Variants in SQSTM1 observed in about 807,000 individuals in gnomAD.
The protein encoded by SQSTM1 is sequestosome-1.
Under a neutral mutation model 45.1 loss-of-function variants are expected in SQSTM1, and 36 were observed. The ratio of observed to expected loss-of-function variants is 0.80; its 90% CI spans 0.61 to 1.05. The LOEUF (loss-of-function observed/expected upper bound fraction) is 1.05, where lower values mean the gene tolerates loss of function less well. SQSTM1 is among the 50% of genes least tolerant of loss of function. The pLI is 0.00. For missense variants in SQSTM1, 617 were observed against 607.1 expected, an observed-to-expected ratio of 1.02 and a Z score of -0.17; for synonymous variants, 290 against 244.3, an observed-to-expected ratio of 1.19 and a Z score of -1.74.
intron 7 of SQSTM1, among the ~76,000 whole-genome samples, chr5:179,834,257 C>T (rs1758399023): frequency 1.5e-5 from 2 of 133,268 alleles, no homozygotes. Flanking sequence ...GGGGTGGGGA[C>T]AGCTGACAGA....
rs114698136 is a variant in SQSTM1, at chr5:179,834,033, G to A, written c.1165+251G>A. Among the ~76,000 whole-genome samples, 1,175 of 152,072 alleles carry A rather than the reference G, an allele frequency of 7.7e-3. 14 individuals are homozygous for A. The highest frequency in any genetic ancestry group is 0.027 in the African/African-American group (1,124 of 41,454). On this transcript the variant is annotated intron_variant, in intron 7 of 7. Transcript: ENST00000389805. ...TCCAGAGCCAGGAATATTAATTGTA[G>A]GAGTTTCTAAAACTTAACATGCAGA... is the stretch of plus-strand genomic sequence containing the variant.
intron 6 of SQSTM1, 87 bp from the exon 7 acceptor site, chr5:179,833,500 C>T: frequency 6.9e-7 from 1 of 1,447,926 alleles, no homozygotes. Flanking sequence ...ATGCGTGCTC[C>T]CCGACTGTCT....
chr5:179,807,580 C>CGCCCA (rs1388034753), intron 1 of SQSTM1: 3 of 152,354 alleles, frequency 2.0e-5, no homozygotes, highest in Non-Finnish European at 4.4e-5. Context: ...CACCTCGCCC[C>CGCCCA]GCCCAGCCCA....
chr5:179,830,759 T>C (rs1207113020), intron 5 of SQSTM1, among the ~76,000 whole-genome samples: 1 of 152,082 alleles, frequency 6.6e-6, no homozygotes, highest in Non-Finnish European at 1.5e-5. Flanking sequence ...GGTTTCACCA[T>C]CTTGGCCAGG....
At chr5:179,812,959 GGTAAT>G (rs1202253870) in intron 2 of SQSTM1, 2 of 149,140 alleles carry the variant, frequency 1.3e-5, no homozygotes, top group African/African-American at 2.5e-5. Context: ...TAATTTTTTT[GGTAAT>G]GTAATGCATT....
Position 179,837,391 on chromosome 5 carries a change from TCACA to T in SQSTM1, c.*801_*804del, listed in dbSNP as rs1357388098. On this transcript the variant is annotated 3_prime_UTR_variant, in exon 8 of 8. Coordinates refer to ENST00000389805, the MANE Select transcript of SQSTM1 (RefSeq NM_003900.5). ...CGATTAATAACCTGCCAGTCCCAGA[TCACA>T]CATCATCATCGAAGTCTTCCCCAGT... 1 of 1,588,138 alleles carries T rather than the reference TCACA, an allele frequency of 6.3e-7. No individual in the cohort carries two copies. The highest frequency in any genetic ancestry group is 2.2e-5 in the East Asian group (1 of 44,586).
At chr5:179,820,600 C>T, upstream of SQSTM1, 1 of 257,480 alleles carries the variant, frequency 3.9e-6, no homozygotes, top group South Asian at 1.2e-4. Flanking sequence ...GGGGCTGGAC[C>T]CCCGCCAGTA....
intron 1 of SQSTM1, chr5:179,821,475 G>A: frequency 1.8e-6 from 1 of 556,642 alleles, no homozygotes; most frequent in Admixed American, 2.2e-5. Flanking sequence ...ACGCGCCGGG[G>A]CGAACGCTCT....
In SQSTM1 at chr5:179,833,188, C is replaced by G; in HGVS notation, c.911C>G (p.Thr304Arg). ...CCGGGTGGGAATGTTGAGGGCGCCA[C>G]GCAGTCTCTGGCGGAGCAGATGAGG... is the stretch of plus-strand genomic sequence containing the variant. ...SKPGGNVEGA[T>R]QSLAEQMRKI... The change falls in exon 6 of 8, where the codon ACG (threonine) becomes AGG (arginine). Residue 304 changes from threonine (T) to arginine (R), a missense_variant. Physicochemically the swap from Thr to Arg is moderately conservative, Grantham distance 71. Coordinates refer to ENST00000389805, the MANE Select transcript of SQSTM1 (RefSeq NM_003900.5). 1 of 1,613,560 alleles carries G rather than the reference C, an allele frequency of 6.2e-7. No homozygotes were observed. The highest frequency in any genetic ancestry group is 8.5e-7 in the Non-Finnish European group (1 of 1,179,820).
chr5:179,833,043 G>A lies in SQSTM1; in HGVS notation c.766G>A (p.Asp256Asn). 3.1e-6 allele frequency: 5 copies of A among 1,614,144 alleles called. No individual in the cohort carries two copies. Among genetic ancestry groups the A allele is most frequent in the Non-Finnish European group, 4.2e-6 (5 of 1,180,016 alleles). ...AALSPLGIEV[D>N]IDVEHGGKRS... is the part of the protein sequence containing the mutation. ...TCCTCCGCCTCTAGGCATTGAAGTT[G>A]ATATCGATGTGGAGCACGGAGGGAA... is the stretch of plus-strand genomic sequence containing the variant. Residue 256 changes from aspartate to asparagine, a missense_variant, in exon 6 of 8, where the codon GAT (aspartate) becomes AAT (asparagine). By Grantham distance (23) the Asp-to-Asn change is conservative (BLOSUM62 1). Transcript: ENST00000389805.
intron 2 of SQSTM1, chr5:179,812,244 C>T (rs1411618630): frequency 6.6e-6 from 1 of 152,338 alleles, no homozygotes; most frequent in African/African-American, 2.4e-5. Context: ...TGTCCGCAGG[C>T]ACGGCATGAG....
intron 7 of SQSTM1, chr5:179,836,198 C>G (rs558196995): frequency 1.7e-6 from 1 of 603,320 alleles, no homozygotes; most frequent in East Asian, 2.8e-5. Flanking sequence ...ATTGATGGTT[C>G]TGCTTACACA....
intron 1 of SQSTM1, chr5:179,807,634 G>GTTGTTGTTTT (rs1229450814): frequency 6.6e-6 from 1 of 151,964 alleles, no homozygotes; most frequent in Middle Eastern, 3.4e-3. Context: ...TTTTTTTGTT[G>GTTGTTGTTTT]TTGTTGTTTT....
chr5:179,810,692 C>G (rs892189479), intron 1 of SQSTM1, among the ~76,000 whole-genome samples: 2 of 152,218 alleles, frequency 1.3e-5, no homozygotes, highest in African/African-American at 4.8e-5. Context: ...AATCGCTACA[C>G]TGACTTCCAC....
intron 5 of SQSTM1, among the ~76,000 whole-genome samples, chr5:179,827,760 C>A (rs1758055748): frequency 6.6e-6 from 1 of 150,658 alleles, no homozygotes; most frequent in Middle Eastern, 3.4e-3. Context: ...GAAGTTAGGG[C>A]TAGTTTCTTT....
chr5:179,832,548 G>A (rs141232824), intron 5 of SQSTM1, among the ~76,000 whole-genome samples: 2,584 of 152,342 alleles, frequency 0.017, 70 homozygotes, highest in African/African-American at 0.059. Flanking sequence ...GTGGCTGGAA[G>A]CGCCTGCCAC....
chr5:179,836,565 A>G lies in SQSTM1; in HGVS notation c.1295A>G (p.Gln432Arg). 2 of 1,614,190 alleles carry G rather than the reference A, an allele frequency of 1.2e-6. No homozygotes were observed. The highest frequency in any genetic ancestry group is 1.7e-6 in the Non-Finnish European group (2 of 1,180,024). The change falls in exon 8 of 8, where the codon CAG becomes CGG. Residue 432 changes from glutamine to arginine, a missense_variant. By Grantham distance (43) the Gln-to-Arg change is conservative (BLOSUM62 1). Transcript: ENST00000389805. ...YDIGAALDTI[Q>R]YSKHPPPL ...ATCGGAGCGGCTCTGGACACCATCCAGTATTCAAAGCATCCCCCGCCGTTG... is the reference window on the plus strand; with the variant it reads ...ATCGGAGCGGCTCTGGACACCATCCGGTATTCAAAGCATCCCCCGCCGTTG...
intron 5 of SQSTM1, among the ~76,000 whole-genome samples, chr5:179,832,486 C>T (rs114310245): frequency 2.9e-4 from 44 of 152,314 alleles, no homozygotes; most frequent in African/African-American, 9.1e-4. Context: ...TGTGTGTCGT[C>T]GCACAAAGCC....
rs765613974 is a variant in SQSTM1 at position 179,836,431 on chromosome 5, G to A, written c.1166-5G>A. ...CTCCTCATGGCTTCCTTACTGTTTC[G>A]GCAGAGGCTGACCCGCGGCTGATTG... On this transcript the variant is annotated splice_polypyrimidine_tract_variant and splice_region_variant and intron_variant, in intron 7 of 7. Coordinates refer to ENST00000389805, the MANE Select transcript of SQSTM1 (RefSeq NM_003900.5). 58 of 1,613,986 alleles carry A rather than the reference G, an allele frequency of 3.6e-5. No homozygotes were observed. Among genetic ancestry groups the A allele is most frequent in the Non-Finnish European group, 4.7e-5 (55 of 1,180,036 alleles).
Sources: allele counts gnomAD v4.1 joint callset (sites outside exome capture counted in the v4.1 genomes callset), GRCh38; gene constraint gnomAD v4.1.1; transcripts MANE v1.5; gene names NCBI Gene and HGNC (gene_info 2026-07-23, HGNC 2026-07-21).